The following EFCAB11 variants were observed in gnomAD, a reference collection of about 807,000 sequenced individuals.
EFCAB11 encodes the protein EF-hand calcium-binding domain-containing protein 11.
Under a neutral mutation model 23.0 loss-of-function variants are expected in EFCAB11, and 14 were observed. That is an observed-to-expected ratio of 0.61 (90% CI 0.40 to 0.95). EFCAB11 has a LOEUF of 0.95. Among genes scored for constraint, EFCAB11 ranks in the 40% least tolerant of loss-of-function variants. The pLI is 0.00. For synonymous variants in EFCAB11, 65 were observed against 66.6 expected (o/e 0.98, Z 0.11); for missense variants, 198 against 195.8 (o/e 1.01, Z -0.07).
chr14:89,798,755 A>C (rs1885661270), intron 5 of EFCAB11, among the ~76,000 whole-genome samples: 1 of 152,176 alleles, frequency 6.6e-6, no homozygotes, highest in Non-Finnish European at 1.5e-5. Flanking sequence ...CCTTTGCCTG[A>C]CTTTCTCAGT....
At chr14:89,812,471 T>A (rs748294592) in intron 5 of EFCAB11, among the ~76,000 whole-genome samples, 10 of 152,148 alleles carry the variant, frequency 6.6e-5, no homozygotes, top group Non-Finnish European at 1.2e-4. Context: ...TTACCATTCA[T>A]CTGGAAAATA....
At chr14:89,901,187 A>T (rs1889327815) in intron 5 of EFCAB11, among the ~76,000 whole-genome samples, 1 of 152,224 alleles carries the variant, frequency 6.6e-6, no homozygotes, top group African/African-American at 2.4e-5. Flanking sequence ...CAAATGATAA[A>T]CACTTCTTGG....
At chr14:89,855,207 G>A (rs1435915907) in intron 5 of EFCAB11, among the ~76,000 whole-genome samples, 1 of 151,688 alleles carries the variant, frequency 6.6e-6, no homozygotes, top group Non-Finnish European at 1.5e-5. Flanking sequence ...GCCAGGTGTG[G>A]TGGCATGCCT....
At chr14:89,855,836 T>A (rs189432677) in intron 5 of EFCAB11, among the ~76,000 whole-genome samples, 1 of 152,306 alleles carries the variant, frequency 6.6e-6, no homozygotes, top group African/African-American at 2.4e-5. Flanking sequence ...TATATTTGAC[T>A]GGGTTTTTGT....
chr14:89,892,779 G>A (rs1052422750), intron 5 of EFCAB11, among the ~76,000 whole-genome samples: 2 of 152,096 alleles, frequency 1.3e-5, no homozygotes, highest in Admixed American at 1.3e-4. Flanking sequence ...GTGCATGCCT[G>A]TAATCCCAGT....
intron 5 of EFCAB11, among the ~76,000 whole-genome samples, chr14:89,909,365 G>A (rs1889591793): frequency 2.0e-5 from 3 of 152,290 alleles, no homozygotes; most frequent in Middle Eastern, 3.4e-3. Flanking sequence ...ATCACCTATG[G>A]CGAGGAGTTT....
intron 5 of EFCAB11, among the ~76,000 whole-genome samples, chr14:89,913,242 C>T (rs944667682): frequency 3.9e-5 from 6 of 152,180 alleles, no homozygotes; most frequent in South Asian, 2.1e-4. Flanking sequence ...GCCGAAGGTA[C>T]GGCCAAAGTT....
chr14:89,829,382 CTT>C (rs1440652948), intron 5 of EFCAB11, among the ~76,000 whole-genome samples: 10 of 152,158 alleles, frequency 6.6e-5, no homozygotes, highest in African/African-American at 2.4e-4. Context: ...AGATTATTCT[CTT>C]GTGTTGCATG....
rs10530483 is a variant in EFCAB11 at position 89,881,452 on chromosome 14, C to CATATATATATATATATATATACACATAT, written c.410+50088_410+50089insATATGTGTATATATATATATATATATAT. ...ATTTTTGGTCTACTTTATGACTTGG[C>CATATATATATATATATATATACACATAT]ATATATATATATATTCTTTTTTTTT... On this transcript the variant is annotated intron_variant, in intron 5 of 5. Transcript: ENST00000316738. Among the ~76,000 whole-genome samples the CATATATATATATATATATATACACATAT allele has an allele frequency of 1.3e-4, 6 of 46,710 alleles. 1 individual carries two copies. The highest frequency in any genetic ancestry group is 4.1e-4 in the Admixed American group (2 of 4,864). The allele number at this position is 46,710 out of a possible 152,430, so 30.6% of individuals were successfully genotyped here. A position where few individuals can be genotyped will look rare whatever the true frequency, so the allele number is the denominator to read the frequency against.
At chr14:89,800,188 T>TAAACAAAC (rs55693480) in intron 5 of EFCAB11, among the ~76,000 whole-genome samples, 2,917 of 149,994 alleles carry the variant, frequency 0.019, 32 homozygotes, top group South Asian at 0.038. Flanking sequence ...CTCAATCTCG[T>TAAACAAAC]AAACAAACAA....
At chr14:89,901,682 G>A (rs999013263) in intron 5 of EFCAB11, among the ~76,000 whole-genome samples, 1 of 152,110 alleles carries the variant, frequency 6.6e-6, no homozygotes, top group Non-Finnish European at 1.5e-5. Context: ...TCATTTCCCT[G>A]TAAGGTACAG....
In EFCAB11 at chr14:89,800,457, G is replaced by A. The variant is rs138082641; in HGVS notation, c.411-3133C>T. ...AAGCAGGAAATTGTGAACCAATGCA[G>A]AACACTGGGTACACATGGTCTAACC... is the stretch of plus-strand genomic sequence containing the variant. On this transcript the variant is annotated intron_variant, in intron 5 of 5. Coordinates refer to ENST00000316738, the MANE Select transcript of EFCAB11 (RefSeq NM_145231.4). 6.1e-3 allele frequency among the ~76,000 whole-genome samples: 926 copies of A among 152,230 alleles called. 12 individuals carry two copies. The highest frequency in any genetic ancestry group is 5.0e-3 in the Non-Finnish European group (342 of 68,018).
intron 3 of EFCAB11, among the ~76,000 whole-genome samples, chr14:89,942,645 T>C (rs1890830942): frequency 2.0e-5 from 3 of 152,188 alleles, no homozygotes; most frequent in African/African-American, 7.2e-5. Flanking sequence ...ACTAATGGCT[T>C]GATTTTTTTC....
intron 5 of EFCAB11, among the ~76,000 whole-genome samples, chr14:89,926,765 G>A (rs1596458728): frequency 6.6e-6 from 1 of 152,142 alleles, no homozygotes. Flanking sequence ...CAAATACAAT[G>A]ACCCAGATAA....
At chr14:89,875,308 AC>A (rs1888401554) in intron 5 of EFCAB11, among the ~76,000 whole-genome samples, 5 of 152,020 alleles carry the variant, frequency 3.3e-5, no homozygotes, top group Admixed American at 3.3e-4. Context: ...GGAAAAACCC[AC>A]CCCCATGATT....
rs545478636 is a variant in EFCAB11, at chr14:89,834,999, T to C, written c.411-37675A>G. 1.2e-3 allele frequency among the ~76,000 whole-genome samples: 179 copies of C among 152,340 alleles called. 2 individuals carry two copies. The highest frequency in any genetic ancestry group is 4.0e-4 in the Non-Finnish European group (27 of 68,036). ...AGTTAGCCATCATCCCCCATCACCC[T>C]CATCCTTACCAACAGTGTATAGTAA... On this transcript the variant is annotated intron_variant, in intron 5 of 5. Transcript: ENST00000316738.
At chr14:89,937,871 A>G (rs113998158) in intron 3 of EFCAB11, 185 of 152,290 alleles carry the variant, frequency 1.2e-3, no homozygotes, top group African/African-American at 4.1e-3. Flanking sequence ...ACATGTATAT[A>G]TATCTATGAC....
In EFCAB11 at chr14:89,899,073, A is replaced by G. The variant is rs544983697; in HGVS notation, c.410+32468T>C. On this transcript the variant is annotated intron_variant, in intron 5 of 5. Transcript: ENST00000316738. ...AACTCTACGGAGAGAATGAAATATTAATACAGCATTGCCATCAGAATAGCT... is the reference window on the plus strand; with the variant it reads ...AACTCTACGGAGAGAATGAAATATTGATACAGCATTGCCATCAGAATAGCT... Among the ~76,000 whole-genome samples the G allele has an allele frequency of 5.3e-5, 8 of 152,324 alleles. No individual in the cohort carries two copies. In the South Asian group the frequency reaches 1.7e-3, roughly 32 times the overall value.
chr14:89,943,393 C>T (rs2139833326), intron 3 of EFCAB11, among the ~76,000 whole-genome samples: 1 of 151,764 alleles, frequency 6.6e-6, no homozygotes, highest in Middle Eastern at 3.4e-3. Flanking sequence ...TGGCATGTAC[C>T]ATCAGGCCTG....
Sources: gnomAD v4.1 joint callset for allele counts (sites outside exome capture counted in the v4.1 genomes callset) on GRCh38, gnomAD v4.1.1 for gene constraint, MANE v1.5 for transcripts, NCBI Gene and HGNC (gene_info 2026-07-23, HGNC 2026-07-21) for gene names.